The following GNAO1 variants were observed in gnomAD, a reference collection of about 807,000 sequenced individuals.
GNAO1 encodes the protein G protein subunit alpha o1.
For synonymous variants in GNAO1, 164 were observed against 180.7 expected (o/e 0.91, Z 0.74); for missense variants, 166 against 478.7 (o/e 0.35, Z 6.10).
intron 6 of GNAO1, chr16:56,344,887 G>A (rs1175539719): frequency 3.0e-6 from 3 of 985,238 alleles, no homozygotes; most frequent in African/African-American, 1.7e-5. Flanking sequence ...CAGAGGTCTA[G>A]AGGGGGTGGA....
intron 3 of GNAO1, among the ~76,000 whole-genome samples, chr16:56,300,061 GTGCT>G (rs1596851097): frequency 6.3e-5 from 6 of 95,632 alleles, no homozygotes; most frequent in African/African-American, 1.9e-4. Flanking sequence ...GCACGCACAT[GTGCT>G]TGTGAGTGTG....
At chr16:56,337,488 C>A (rs781438166) in intron 6 of GNAO1, among the ~76,000 whole-genome samples, 1 of 152,200 alleles carries the variant, frequency 6.6e-6, no homozygotes, top group Non-Finnish European at 1.5e-5. Context: ...TTCTGTCTTG[C>A]GTCACATTCA....
Position 56,346,548 on chromosome 16 carries a change from G to C in GNAO1, c.724-4836G>C, listed in dbSNP as rs1478055078. On this transcript the variant is annotated intron_variant, in intron 6 of 8. Transcript: ENST00000262493. ...GGTCTTGGCCTTCCCTCTGAGCACTGATAGAGGTCCCCAAGGCTCTCTGGC... is the reference window on the plus strand; with the variant it reads ...GGTCTTGGCCTTCCCTCTGAGCACTCATAGAGGTCCCCAAGGCTCTCTGGC... 6 of 985,424 alleles carry C rather than the reference G, an allele frequency of 6.1e-6. No homozygotes were observed. The African/African-American group carries it at 1.0e-4, about 17-fold the overall frequency. 61.0% of individuals were successfully genotyped at this position (985,424 alleles called of 1,614,324 possible).
At chr16:56,234,372 G>A (rs1347036288) in intron 2 of GNAO1, among the ~76,000 whole-genome samples, 7 of 152,256 alleles carry the variant, frequency 4.6e-5, no homozygotes, top group Non-Finnish European at 1.0e-4. Flanking sequence ...TGGTTGGTGG[G>A]GTGGGGCAGT....
At chr16:56,349,114 C>T (rs936917761) in intron 6 of GNAO1, among the ~76,000 whole-genome samples, 2 of 152,130 alleles carry the variant, frequency 1.3e-5, no homozygotes, top group Non-Finnish European at 1.5e-5. Flanking sequence ...GGGGCTGTGG[C>T]GGGGGCTCAG....
intron 3 of GNAO1, among the ~76,000 whole-genome samples, chr16:56,287,719 C>G (rs575662199): frequency 5.3e-5 from 8 of 152,352 alleles, no homozygotes; most frequent in African/African-American, 1.9e-4. Context: ...AATCAGCTGT[C>G]CCTTCTGATT....
chr16:56,196,010 C>T (rs2143286383), intron 2 of GNAO1, among the ~76,000 whole-genome samples: 1 of 152,214 alleles, frequency 6.6e-6, no homozygotes, highest in Middle Eastern at 3.4e-3. Flanking sequence ...TAAAGTTCTT[C>T]TGCTTGATAA....
At chr16:56,292,966 T>A (rs1168137250) in intron 3 of GNAO1, among the ~76,000 whole-genome samples, 1 of 152,162 alleles carries the variant, frequency 6.6e-6, no homozygotes, top group Non-Finnish European at 1.5e-5. Flanking sequence ...GTGGAAGTGC[T>A]GGGGGTTGCC....
intron 2 of GNAO1, among the ~76,000 whole-genome samples, chr16:56,228,430 T>A (rs2036555380): frequency 6.6e-6 from 1 of 151,290 alleles, no homozygotes; most frequent in Admixed American, 6.6e-5. Flanking sequence ...TATATGTGAG[T>A]GTGTGTGTAT....
chr16:56,336,406 G>C, intron 5 of GNAO1: 1 of 248,430 alleles, frequency 4.0e-6, no homozygotes, highest in South Asian at 6.2e-5. Flanking sequence ...GTCCTCATGC[G>C]AGGAGGACTC....
At chr16:56,305,645 G>GGA (rs1208383123) in intron 3 of GNAO1, among the ~76,000 whole-genome samples, 1 of 152,124 alleles carries the variant, frequency 6.6e-6, no homozygotes, top group Non-Finnish European at 1.5e-5. Context: ...TTGGAATGAT[G>GGA]GAGAGAGAAC....
intron 3 of GNAO1, among the ~76,000 whole-genome samples, chr16:56,318,434 GTC>G (rs1371157122): frequency 6.6e-6 from 1 of 152,224 alleles, no homozygotes; most frequent in Non-Finnish European, 1.5e-5. Flanking sequence ...GCAATGCCTG[GTC>G]TCTGGCTCGG....
At chr16:56,330,075 A>G (rs1050917434) in intron 4 of GNAO1, among the ~76,000 whole-genome samples, 42 of 152,360 alleles carry the variant, frequency 2.8e-4, no homozygotes, top group African/African-American at 1.0e-3. Context: ...GACTTGAGCA[A>G]GGCCGGGAGC....
chr16:56,223,560 G>GT (rs1379844671), intron 2 of GNAO1, among the ~76,000 whole-genome samples: 1 of 152,226 alleles, frequency 6.6e-6, no homozygotes, highest in African/African-American at 2.4e-5. Flanking sequence ...GGATTAGGAT[G>GT]TGGACCTCTT....
rs2037891874 is a variant in GNAO1, at chr16:56,348,281, A to T, written c.724-3103A>T. The T allele has an allele frequency of 8.6e-6, 6 of 701,694 alleles. No homozygotes were observed. In the South Asian group the frequency reaches 2.6e-4, roughly 30 times the overall value. The allele number at this position is 701,694 out of a possible 1,614,324, so 43.5% of individuals were successfully genotyped here. A position where few individuals can be genotyped will look rare whatever the true frequency, so the allele number is the denominator to read the frequency against. Reference sequence around the variant, plus strand: ...GATGTGTGTCCTCGGGCCCTGCCCCATCCTGGTCCCAGGACTGCTGGCAGC... The same window carrying T: ...GATGTGTGTCCTCGGGCCCTGCCCCTTCCTGGTCCCAGGACTGCTGGCAGC... On this transcript the variant is annotated intron_variant, in intron 6 of 8. Coordinates refer to ENST00000262493, the MANE Select transcript of GNAO1 (RefSeq NM_020988.3).
rs2036998111 is a variant in GNAO1 at position 56,269,830 on chromosome 16, A to T, written c.162-6101A>T. ...AAACTGTATGTGTTGGTACATTGTC[A>T]CACTGTCAGAGGAGTCTATGATTCA... On this transcript the variant is annotated intron_variant, in intron 2 of 8. Transcript: ENST00000262493. Among the ~76,000 whole-genome samples the T allele has an allele frequency of 2.0e-5, 3 of 152,168 alleles. No individual in the cohort carries two copies. The South Asian group carries it at 6.2e-4, about 32-fold the overall frequency.
chr16:56,244,434 G>C (rs1232142961), intron 2 of GNAO1, among the ~76,000 whole-genome samples: 10 of 151,608 alleles, frequency 6.6e-5, no homozygotes, highest in African/African-American at 2.2e-4. Context: ...CTTTGCTCTT[G>C]GCTGAAATTA....
At chr16:56,213,759 T>C (rs2036413163) in intron 2 of GNAO1, among the ~76,000 whole-genome samples, 2 of 151,742 alleles carry the variant, frequency 1.3e-5, no homozygotes, top group Admixed American at 1.3e-4. Context: ...CAGCCAGAAA[T>C]AGACAGTACA....
intron 6 of GNAO1, chr16:56,347,892 C>T: frequency 1.0e-6 from 1 of 963,516 alleles, no homozygotes; most frequent in Non-Finnish European, 1.2e-6. Context: ...TCTGACCCAT[C>T]CCCTGGCTCT....
Sources: allele counts gnomAD v4.1 joint callset (sites outside exome capture counted in the v4.1 genomes callset), GRCh38; gene constraint gnomAD v4.1.1; transcripts MANE v1.5; gene names NCBI Gene and HGNC (gene_info 2026-07-23, HGNC 2026-07-21).